ARPP21: variants seen among roughly 807,000 people sequenced by gnomAD.
The protein encoded by ARPP21 is cAMP-regulated phosphoprotein 21.
Under a neutral mutation model 113.2 loss-of-function variants are expected in ARPP21, and 69 were observed. The ratio of observed to expected loss-of-function variants is 0.61; its 90% CI spans 0.50 to 0.74. ARPP21 has a LOEUF of 0.74. Ranked by LOEUF, ARPP21 falls within the 30% of genes least tolerant of loss-of-function variation. The probability of loss-of-function intolerance (pLI) is 0.00; values close to 1 mark genes in which losing one functional copy is unlikely to be tolerated. For missense variants in ARPP21, 1,070 were observed against 1,037.4 expected (o/e 1.03, Z -0.43); for synonymous variants, 368 against 375.5 (o/e 0.98, Z 0.23).
intron 5 of ARPP21, chr3:35,684,946 T>C: frequency 1.0e-6 from 1 of 984,754 alleles, no homozygotes; most frequent in Non-Finnish European, 1.2e-6. Context: ...TTCAGCATTT[T>C]ATTTGTGCTT....
At chr3:35,690,470 C>T (rs999609450) in intron 8 of ARPP21, among the ~76,000 whole-genome samples, 2 of 151,368 alleles carry the variant, frequency 1.3e-5, no homozygotes, top group African/African-American at 4.8e-5. Flanking sequence ...TCAGTTATGC[C>T]TGGAAATAAT....
At chr3:35,685,824 C>A in intron 5 of ARPP21, 1 of 798,478 alleles carries the variant, frequency 1.3e-6, no homozygotes, top group Non-Finnish European at 1.5e-6. Context: ...TTTATTAACA[C>A]TTGTATTTTA....
intron 19 of ARPP21, among the ~76,000 whole-genome samples, chr3:35,782,804 A>G (rs1224749599): frequency 6.6e-6 from 1 of 152,174 alleles, no homozygotes; most frequent in Non-Finnish European, 1.5e-5. Flanking sequence ...ACAAAACTAT[A>G]AAATCCCATC....
chr3:35,779,435 C>T (rs2096469690), intron 19 of ARPP21, among the ~76,000 whole-genome samples: 1 of 152,068 alleles, frequency 6.6e-6, no homozygotes, highest in Non-Finnish European at 1.5e-5. Flanking sequence ...GATTTTGTCC[C>T]TGATTTATGA....
intron 19 of ARPP21, among the ~76,000 whole-genome samples, chr3:35,764,595 G>A (rs1205777257): frequency 6.6e-6 from 1 of 152,120 alleles, no homozygotes; most frequent in East Asian, 1.9e-4. Context: ...CACAGAAAGT[G>A]ACACACCTGC....
At chr3:35,703,040 C>A (rs1419772439) in intron 9 of ARPP21, among the ~76,000 whole-genome samples, 1 of 151,722 alleles carries the variant, frequency 6.6e-6, no homozygotes, top group Non-Finnish European at 1.5e-5. Flanking sequence ...TGGTAACCAC[C>A]TTTCAGTTAC....
intron 19 of ARPP21, among the ~76,000 whole-genome samples, chr3:35,752,936 C>T (rs940145775): frequency 6.6e-6 from 1 of 151,618 alleles, no homozygotes; most frequent in Admixed American, 6.6e-5. Flanking sequence ...TTTACAAATC[C>T]AAATTTTAAG....
At chr3:35,678,468 T>C (rs1046708084) in intron 1 of ARPP21, among the ~76,000 whole-genome samples, 1 of 151,972 alleles carries the variant, frequency 6.6e-6, no homozygotes, top group Non-Finnish European at 1.5e-5. Flanking sequence ...GTGAAACTGA[T>C]CAAAATTGAA....
chr3:35,737,457 T>G, intron 16 of ARPP21, 95 bp downstream of exon 16: 2 of 781,238 alleles, frequency 2.6e-6, no homozygotes, highest in Non-Finnish European at 1.9e-6. Flanking sequence ...AAGCGTATAT[T>G]TTACACTCAA....
chr3:35,678,734 A>G (rs1376016668), intron 1 of ARPP21: 1 of 151,996 alleles, frequency 6.6e-6, no homozygotes, highest in African/African-American at 2.4e-5. Context: ...CCTGTAAGGA[A>G]CCAGCTGTGC....
chr3:35,719,032 CTTA>C (rs1343985370), intron 13 of ARPP21, among the ~76,000 whole-genome samples: 7 of 66,628 alleles, frequency 1.1e-4, no homozygotes, highest in Non-Finnish European at 2.3e-4. Context: ...ATTCTAGTTA[CTTA>C]CAAGAGGGCA....
At chr3:35,732,882 T>A (rs746739357) in intron 15 of ARPP21, among the ~76,000 whole-genome samples, 2 of 151,582 alleles carry the variant, frequency 1.3e-5, no homozygotes, top group Non-Finnish European at 2.9e-5. Flanking sequence ...TGCTTACACT[T>A]TTTTTTTATT....
At chr3:35,767,581 A>G (rs1372622445) in intron 19 of ARPP21, among the ~76,000 whole-genome samples, 3 of 152,190 alleles carry the variant, frequency 2.0e-5, no homozygotes, top group South Asian at 4.1e-4. Flanking sequence ...TTAGAAACTA[A>G]TTTATTTGTT....
At chr3:35,703,918 A>G (rs1036264503) in intron 9 of ARPP21, among the ~76,000 whole-genome samples, 5 of 151,914 alleles carry the variant, frequency 3.3e-5, no homozygotes, top group Non-Finnish European at 7.4e-5. Context: ...AAGCTATAAT[A>G]TAATGGTACA....
intron 1 of ARPP21, among the ~76,000 whole-genome samples, chr3:35,667,815 A>G (rs1338809570): frequency 6.9e-6 from 1 of 144,834 alleles, no homozygotes; most frequent in Non-Finnish European, 1.5e-5. Flanking sequence ...TAAGTCTTGA[A>G]GATCACCTGC....
At chr3:35,791,576 T>G (rs1160504778) in intron 19 of ARPP21, among the ~76,000 whole-genome samples, 1 of 152,126 alleles carries the variant, frequency 6.6e-6, no homozygotes, top group Non-Finnish European at 1.5e-5. Flanking sequence ...AAGTGAGGAT[T>G]TAAATAACTA....
intron 1 of ARPP21, among the ~76,000 whole-genome samples, chr3:35,660,033 A>G (rs979636714): frequency 4.6e-5 from 7 of 152,278 alleles, no homozygotes; most frequent in Non-Finnish European, 7.3e-5. Context: ...AGGCTTTGCC[A>G]AGGGACAGAT....
At chr3:35,700,399 G>A (rs909290756) in intron 9 of ARPP21, among the ~76,000 whole-genome samples, 8 of 151,552 alleles carry the variant, frequency 5.3e-5, no homozygotes, top group Non-Finnish European at 1.0e-4. Context: ...ATTAGGTTAT[G>A]TATTAAAATG....
intron 15 of ARPP21, among the ~76,000 whole-genome samples, chr3:35,735,931 A>T (rs1246167299): frequency 6.6e-6 from 1 of 152,054 alleles, no homozygotes; most frequent in Non-Finnish European, 1.5e-5. Context: ...CATGTCCTTC[A>T]CCTCACCTGA....
Sources: allele counts gnomAD v4.1 joint callset (sites outside exome capture counted in the v4.1 genomes callset), GRCh38; gene constraint gnomAD v4.1.1; transcripts MANE v1.5; gene names NCBI Gene and HGNC (gene_info 2026-07-23, HGNC 2026-07-21).